The following SLC24A2 variants were observed in gnomAD, a reference collection of about 807,000 sequenced individuals.
SLC24A2 encodes the protein sodium/potassium/calcium exchanger 2.
A neutral mutation model predicts 62.0 loss-of-function variants in SLC24A2; 36 were observed. The observed-to-expected ratio is 0.58, with a 90% CI of 0.44 to 0.77. The LOEUF (loss-of-function observed/expected upper bound fraction) is 0.77, where lower values mean the gene tolerates loss of function less well. SLC24A2 is among the 30% of genes least tolerant of loss of function. The pLI is 0.00. For synonymous variants in SLC24A2, 358 were observed against 294.0 expected (o/e 1.22, Z -2.23); for missense variants, 846 against 817.9 (o/e 1.03, Z -0.42).
chr9:19,533,027 T>C (rs1323603501), intron 8 of SLC24A2, among the ~76,000 whole-genome samples: 1 of 152,204 alleles, frequency 6.6e-6, no homozygotes, highest in East Asian at 1.9e-4. Flanking sequence ...TTAATAAAAC[T>C]GTAAGTGTAA....
chr9:19,516,119 T>A lies in SLC24A2; in HGVS notation c.*34A>T. ...CAGAGCCCAGAGTGTGGAGGGACCA[T>A]TCATGCTGCTGGTGCAAGATATGGC... On this transcript the variant is annotated 3_prime_UTR_variant, in exon 11 of 11. Coordinates refer to ENST00000341998, the MANE Select transcript of SLC24A2 (RefSeq NM_020344.4). 6.2e-7 allele frequency: 1 copy of A among 1,613,538 alleles called. No individual in the cohort carries two copies. The highest frequency in any genetic ancestry group is 8.5e-7 in the Non-Finnish European group (1 of 1,179,720).
the SLC24A2 span, among the ~76,000 whole-genome samples, chr9:19,823,117 C>T: frequency 1.1e-4 from 16 of 152,250 alleles, no homozygotes; most frequent in African/African-American, 3.6e-4. Context: ...CACTTATTAG[C>T]TTGGTTGAGC....
intron 2 of SLC24A2, among the ~76,000 whole-genome samples, chr9:19,679,838 C>CTGTGTGTGTGTGTGTG (rs58253967): frequency 2.8e-5 from 4 of 142,488 alleles, no homozygotes; most frequent in South Asian, 4.6e-4. Context: ...CTCACATATA[C>CTGTGTGTGTGTGTGTG]TGTGTGTGTG....
intron 5 of SLC24A2, among the ~76,000 whole-genome samples, chr9:19,592,495 CACCTACCTACCTACCT>C (rs34178915): frequency 0.013 from 909 of 70,562 alleles, 10 homozygotes; most frequent in South Asian, 0.045. Context: ...CCTACCTACC[CACCTACCTACCTACCT>C]ACCTACCTAC....
the SLC24A2 span, among the ~76,000 whole-genome samples, chr9:20,193,951 A>G: frequency 6.6e-6 from 1 of 152,208 alleles, no homozygotes; most frequent in Non-Finnish European, 1.5e-5. Context: ...TTATCAAAGA[A>G]TTATAGTAAT....
At chr9:20,266,143 T>C in the SLC24A2 span, among the ~76,000 whole-genome samples, 1 of 152,196 alleles carries the variant, frequency 6.6e-6, no homozygotes, top group Admixed American at 6.5e-5. Context: ...CCTTGTGATA[T>C]TCTATTACCT....
chr9:20,212,840 GT>G, the SLC24A2 span, among the ~76,000 whole-genome samples: 3 of 151,532 alleles, frequency 2.0e-5, 1 homozygote, highest in South Asian at 6.2e-4. Context: ...AAATACAAAT[GT>G]TTTCAAAAAA....
At chr9:19,925,753 T>C in the SLC24A2 span, among the ~76,000 whole-genome samples, 21 of 152,222 alleles carry the variant, frequency 1.4e-4, no homozygotes. Flanking sequence ...GTTCCTTCTC[T>C]ATCCTCTTCA....
chr9:19,942,749 G>A, the SLC24A2 span, among the ~76,000 whole-genome samples: 180 of 152,256 alleles, frequency 1.2e-3, no homozygotes, highest in Non-Finnish European at 2.1e-3. Context: ...GCCTCACAAA[G>A]TCCCTACTTA....
chr9:20,119,316 C>T, the SLC24A2 span, among the ~76,000 whole-genome samples: 6 of 150,638 alleles, frequency 4.0e-5, no homozygotes, highest in African/African-American at 9.8e-5. Context: ...ACACATGTTG[C>T]TTTAAATCAC....
At chr9:20,015,766 C>A in the SLC24A2 span, among the ~76,000 whole-genome samples, 2 of 152,210 alleles carry the variant, frequency 1.3e-5, no homozygotes, top group Non-Finnish European at 2.9e-5. Context: ...CTCAATAGTT[C>A]TGGATGGCAT....
intron 7 of SLC24A2, among the ~76,000 whole-genome samples, chr9:19,553,991 C>T (rs1834964639): frequency 6.6e-6 from 1 of 152,044 alleles, no homozygotes; most frequent in African/African-American, 2.4e-5. Flanking sequence ...AGCTGCAACC[C>T]CCACCAGTAC....
At chr9:19,951,484 G>C in the SLC24A2 span, among the ~76,000 whole-genome samples, 1 of 151,922 alleles carries the variant, frequency 6.6e-6, no homozygotes, top group Non-Finnish European at 1.5e-5. Flanking sequence ...AATATTTACA[G>C]TTTTAGTTCT....
At chr9:20,005,295 G>T in the SLC24A2 span, among the ~76,000 whole-genome samples, 1 of 152,104 alleles carries the variant, frequency 6.6e-6, no homozygotes, top group Non-Finnish European at 1.5e-5. Context: ...AAGAACTGGG[G>T]CAAAGATGAC....
intron 2 of SLC24A2, among the ~76,000 whole-genome samples, chr9:19,634,255 G>C (rs939055647): frequency 6.6e-6 from 1 of 150,738 alleles, no homozygotes; most frequent in African/African-American, 2.4e-5. Context: ...TTGAAATGCA[G>C]GCAATCTAAC....
chr9:19,541,623 GA>G (rs1323735605), intron 8 of SLC24A2, among the ~76,000 whole-genome samples: 1 of 147,920 alleles, frequency 6.8e-6, no homozygotes, highest in African/African-American at 2.5e-5. Flanking sequence ...GTCAGACAGG[GA>G]CACTTAAGTC....
rs1391990064 is a variant in SLC24A2 at position 19,509,148 on chromosome 9, T to C, written c.*7005A>G. Reference sequence around the variant, plus strand: ...CTAATTATCTATTTCATTTTCCATATGGGTGAACTTTGCTTTATATAACAA... The same window carrying C: ...CTAATTATCTATTTCATTTTCCATACGGGTGAACTTTGCTTTATATAACAA... On this transcript the variant is annotated 3_prime_UTR_variant, in exon 11 of 11. Coordinates refer to ENST00000341998, the MANE Select transcript of SLC24A2 (RefSeq NM_020344.4). 1 of 152,202 alleles carries C rather than the reference T, an allele frequency of 6.6e-6. No individual in the cohort carries two copies. Among genetic ancestry groups the C allele is most frequent in the African/African-American group, 2.4e-5 (1 of 41,460 alleles). The allele number at this position is 152,202 out of a possible 1,614,324, so 9.4% of individuals were successfully genotyped here. A position where few individuals can be genotyped will look rare whatever the true frequency, so the allele number is the denominator to read the frequency against.
chr9:19,963,967 C>T, the SLC24A2 span, among the ~76,000 whole-genome samples: 7 of 152,112 alleles, frequency 4.6e-5, no homozygotes, highest in African/African-American at 1.7e-4. Flanking sequence ...TTGGAATCCA[C>T]CCAAATGTCC....
chr9:19,566,788 G>T lies in SLC24A2; in HGVS notation c.1347+6563C>A, dbSNP rs914495716. ...TGGAATACTATGCAGCCATAAAAAA[G>T]GATGAGTTCATGTCCTTTGTAGGGA... On this transcript the variant is annotated intron_variant, in intron 7 of 10. Transcript: ENST00000341998. 2.6e-4 allele frequency among the ~76,000 whole-genome samples: 39 copies of T among 152,240 alleles called. 1 individual carries two copies. Among genetic ancestry groups the T allele is most frequent in the African/African-American group, 5.8e-4 (24 of 41,536 alleles).
Sources: allele counts gnomAD v4.1 joint callset (sites outside exome capture counted in the v4.1 genomes callset), GRCh38; gene constraint gnomAD v4.1.1; transcripts MANE v1.5; gene names NCBI Gene and HGNC (gene_info 2026-07-23, HGNC 2026-07-21).